The following WDR64 variants were observed in gnomAD, a reference collection of about 807,000 sequenced individuals.
WDR64 encodes WD repeat-containing protein 64.
WDR64 carries 112 observed loss-of-function variants against 139.3 expected under a neutral mutation model. The ratio of observed to expected loss-of-function variants is 0.80; its 90% confidence interval spans 0.69 to 0.94. The LOEUF (loss-of-function observed/expected upper bound fraction) is 0.94. WDR64 is among the 40% of genes least tolerant of loss of function. The probability of loss-of-function intolerance (pLI) is 0.00; values close to 1 mark genes in which losing one functional copy is unlikely to be tolerated. For missense variants in WDR64, 1,206 were observed against 1,293.1 expected (o/e 0.93, Z 1.03); for synonymous variants, 444 against 437.7 (o/e 1.01, Z -0.18).
In WDR64 at chr1:241,801,871, C is replaced by G; in HGVS notation, c.*656C>G. The G allele has an allele frequency of 2.5e-6, 1 of 397,624 alleles. No homozygotes were observed. The allele number at this position is 397,624 out of a possible 1,614,324, so 24.6% of individuals were successfully genotyped here. On this transcript the variant is annotated 3_prime_UTR_variant, in exon 28 of 28. Coordinates refer to ENST00000437684, the MANE Select transcript of WDR64 (RefSeq NM_001367482.1). Reference sequence around the variant, plus strand: ...CTTAAATATATCAATAATTATGAAACCTTTAATAGGTTAAAGTATGCAAGT... The same window carrying G: ...CTTAAATATATCAATAATTATGAAAGCTTTAATAGGTTAAAGTATGCAAGT...
intron 2 of WDR64, among the ~76,000 whole-genome samples, chr1:241,667,374 T>C (rs1573989864): frequency 6.6e-6 from 1 of 152,176 alleles, no homozygotes; most frequent in Admixed American, 6.5e-5. Context: ...ATTCTGAAGG[T>C]GCCCGTCTTC....
intron 8 of WDR64, among the ~76,000 whole-genome samples, chr1:241,704,091 A>AACATCATGGGCCCACATTGTTAATGAAC (rs1412667639): frequency 6.6e-6 from 1 of 152,166 alleles, no homozygotes; most frequent in East Asian, 1.9e-4. Flanking sequence ...GTTATTAATG[A>AACATCATGGGCCCACATTGTTAATGAAC]ACATCATGGG....
intron 20 of WDR64, among the ~76,000 whole-genome samples, chr1:241,774,415 T>C (rs1343919389): frequency 6.6e-6 from 1 of 152,010 alleles, no homozygotes; most frequent in African/African-American, 2.4e-5. Context: ...GTAAAAGAAA[T>C]AGGAGGAGAA....
chr1:241,738,629 T>C (rs1278598260), intron 11 of WDR64, 140 bp downstream of exon 11: 6 of 878,164 alleles, frequency 6.8e-6, no homozygotes, highest in South Asian at 6.2e-5. Context: ...ACAGTAGATA[T>C]TTAATTCAAT....
chr1:241,693,298 A>G (rs1667372276), intron 8 of WDR64, among the ~76,000 whole-genome samples: 1 of 152,218 alleles, frequency 6.6e-6, no homozygotes. Context: ...ACTAAGTTAA[A>G]GAAGCCAAAC....
Position 241,716,650 on chromosome 1 carries a change from T to TATG in WDR64, c.1054+4794_1054+4796dup, listed in dbSNP as rs10612577. Among the ~76,000 whole-genome samples the TATG allele has an allele frequency of 3.5e-3, 535 of 151,128 alleles. 2 individuals are homozygous for TATG. The highest frequency in any genetic ancestry group is 7.1e-3 in the African/African-American group (290 of 41,126). ...CTACAAAGTATAGCATGAATCAACA[T>TATG]ATGATGATGATGATGATGATGATGA... On this transcript the variant is annotated intron_variant, in intron 9 of 27. Transcript: ENST00000437684.
intron 10 of WDR64, among the ~76,000 whole-genome samples, chr1:241,734,024 A>C (rs981327833): frequency 6.6e-6 from 1 of 152,284 alleles, no homozygotes; most frequent in African/African-American, 2.4e-5. Flanking sequence ...AGCTAAAGGG[A>C]AAAGTCAATC....
At chr1:241,722,512 C>T (rs1668647404) in intron 9 of WDR64, among the ~76,000 whole-genome samples, 1 of 152,022 alleles carries the variant, frequency 6.6e-6, no homozygotes, top group Non-Finnish European at 1.5e-5. Context: ...AAGTAAAAAA[C>T]TAGAATTAGT....
At chr1:241,694,116 A>AAAG (rs1667401125) in intron 8 of WDR64, among the ~76,000 whole-genome samples, 2 of 152,148 alleles carry the variant, frequency 1.3e-5, no homozygotes, top group Admixed American at 1.3e-4. Context: ...TACAAAAAAA[A>AAAG]AAGAGTCACA....
At chr1:241,707,689 G>GC (rs11442397) in intron 8 of WDR64, among the ~76,000 whole-genome samples, 4,443 of 152,204 alleles carry the variant, frequency 0.029, 196 homozygotes, top group African/African-American at 0.1. Context: ...TGCAGGCTGT[G>GC]CCCCCCACAG....
chr1:241,705,833 C>T (rs1241819015), intron 8 of WDR64, among the ~76,000 whole-genome samples: 1 of 152,004 alleles, frequency 6.6e-6, no homozygotes, highest in Non-Finnish European at 1.5e-5. Context: ...AAATGATCCT[C>T]CCACCTTGGC....
intron 8 of WDR64, among the ~76,000 whole-genome samples, chr1:241,688,218 CA>C (rs1382705568): frequency 1.3e-5 from 2 of 151,984 alleles, no homozygotes; most frequent in South Asian, 2.1e-4. Flanking sequence ...TATGTAATAT[CA>C]AAAAAAGGGC....
chr1:241,707,068 C>T (rs1043042577), intron 8 of WDR64, among the ~76,000 whole-genome samples: 1 of 152,176 alleles, frequency 6.6e-6, no homozygotes, highest in African/African-American at 2.4e-5. Context: ...CACAGCCCCC[C>T]TTCTCCCTGT....
intron 14 of WDR64, among the ~76,000 whole-genome samples, chr1:241,752,333 C>A (rs561068508): frequency 1.3e-5 from 2 of 152,314 alleles, no homozygotes; most frequent in South Asian, 4.1e-4. Flanking sequence ...AAGATTATAT[C>A]TTTCCTACTG....
chr1:241,703,727 G>A lies in WDR64; in HGVS notation c.975-8075G>A, dbSNP rs549316201. The stretch of plus-strand genomic sequence containing the variant: ...ACACTGCTATAAAGATACTATCTGA[G>A]ACTCAATAATTTGTAAAGGAAAGAG... On this transcript the variant is annotated intron_variant, in intron 8 of 27. Coordinates refer to ENST00000437684, the MANE Select transcript of WDR64 (RefSeq NM_001367482.1). The surrounding 1 kb of genome is among the most constrained non-coding windows in gnomAD (Gnocchi z 5.9). Among the ~76,000 whole-genome samples, 2 of 152,274 alleles carry A rather than the reference G, an allele frequency of 1.3e-5. No individual in the cohort carries two copies. Among genetic ancestry groups the A allele is most frequent in the South Asian group, 4.2e-4 (2 of 4,818 alleles).
At chr1:241,735,531 C>CCCTTTTT (rs1296893731) in intron 10 of WDR64, among the ~76,000 whole-genome samples, 2,397 of 96,556 alleles carry the variant, frequency 0.025, 117 homozygotes, top group African/African-American at 0.094. Context: ...CTCTCTCTCT[C>CCCTTTTT]TCTTTTTTTT....
chr1:241,715,543 C>T (rs1271751732), intron 9 of WDR64, among the ~76,000 whole-genome samples: 5 of 152,184 alleles, frequency 3.3e-5, no homozygotes, highest in Non-Finnish European at 5.9e-5. Context: ...ATGAATCCTC[C>T]TGTCGCCGTT....
intron 23 of WDR64, among the ~76,000 whole-genome samples, chr1:241,784,770 A>T (rs1658971649): frequency 6.6e-6 from 1 of 151,884 alleles, no homozygotes; most frequent in Non-Finnish European, 1.5e-5. Context: ...CCTAACCAAC[A>T]TGGTGAAACC....
intron 25 of WDR64, among the ~76,000 whole-genome samples, chr1:241,792,736 A>T (rs1659245491): frequency 6.6e-6 from 1 of 152,164 alleles, no homozygotes; most frequent in Admixed American, 6.5e-5. Context: ...AATACCAAAA[A>T]GTCTGAAAAT....
Sources: gnomAD v4.1 joint callset for allele counts (sites outside exome capture counted in the v4.1 genomes callset) on GRCh38, gnomAD v4.1.1 for gene constraint, Gnocchi (gnomAD v3.1) non-coding constraint, MANE v1.5 for transcripts, NCBI Gene and HGNC (gene_info 2026-07-23, HGNC 2026-07-21) for gene names.